DPYD: variants seen among roughly 807,000 people sequenced by gnomAD.
The protein encoded by DPYD is dihydropyrimidine dehydrogenase [NADP(+)].
DPYD carries 109 observed loss-of-function variants against 116.2 expected under a neutral mutation model. The observed-to-expected ratio is 0.94, with a 90% confidence interval of 0.80 to 1.10. The LOEUF (loss-of-function observed/expected upper bound fraction) is 1.10, where lower values mean the gene tolerates loss of function less well. Ranked by LOEUF, DPYD falls within the 50% of genes least tolerant of loss-of-function variation. The probability of loss-of-function intolerance (pLI) is 0.00; values close to 1 mark genes in which losing one functional copy is unlikely to be tolerated. For synonymous variants in DPYD, 440 were observed against 432.0 expected, an observed-to-expected ratio of 1.02 and a Z score of -0.23; for missense variants, 1,302 against 1,254.5, an observed-to-expected ratio of 1.04 and a Z score of -0.57.
intron 1 of DPYD, among the ~76,000 whole-genome samples, chr1:97,891,069 A>C (rs1007020466): frequency 3.9e-5 from 6 of 152,006 alleles, no homozygotes; most frequent in African/African-American, 1.4e-4. Flanking sequence ...ATGAAATGTG[A>C]TATAAAATAA....
At chr1:97,587,327 T>C (rs1360927389) in intron 10 of DPYD, among the ~76,000 whole-genome samples, 4 of 152,214 alleles carry the variant, frequency 2.6e-5, no homozygotes, top group Non-Finnish European at 5.9e-5. Context: ...GAGCAAATCA[T>C]GTCAACATGT....
intron 14 of DPYD, among the ~76,000 whole-genome samples, chr1:97,404,683 T>C (rs1214352491): frequency 6.6e-6 from 1 of 152,122 alleles, no homozygotes; most frequent in East Asian, 1.9e-4. Flanking sequence ...GTTTTTGTAT[T>C]GAAAGTGACT....
intron 19 of DPYD, among the ~76,000 whole-genome samples, chr1:97,206,746 A>G (rs1424208582): frequency 7.0e-6 from 1 of 143,784 alleles, no homozygotes; most frequent in Non-Finnish European, 1.5e-5. Flanking sequence ...ATGTTAATGT[A>G]TGTTTTATAT....
At chr1:97,546,150 G>C in intron 12 of DPYD, 1 of 1,417,240 alleles carries the variant, frequency 7.1e-7, no homozygotes, top group Non-Finnish European at 1.0e-6. Context: ...GTCCTTCTGT[G>C]CTGCAGAGGA....
intron 19 of DPYD, among the ~76,000 whole-genome samples, chr1:97,198,047 T>C (rs948357565): frequency 6.6e-6 from 1 of 152,194 alleles, no homozygotes; most frequent in African/African-American, 2.4e-5. Context: ...TTTTTGATAG[T>C]AGGAACTTTG....
At chr1:97,261,877 A>G (rs1663908053) in intron 18 of DPYD, among the ~76,000 whole-genome samples, 1 of 152,006 alleles carries the variant, frequency 6.6e-6, no homozygotes, top group Non-Finnish European at 1.5e-5. Context: ...TGTGACTTCT[A>G]CCTGATAATT....
At chr1:97,436,298 G>A (rs188302157) in intron 14 of DPYD, among the ~76,000 whole-genome samples, 5 of 152,056 alleles carry the variant, frequency 3.3e-5, no homozygotes, top group South Asian at 2.1e-4. Context: ...TTATGTAAGC[G>A]AGCCTACTGA....
At chr1:97,851,721 A>G (rs1434820661) in intron 2 of DPYD, among the ~76,000 whole-genome samples, 1 of 151,810 alleles carries the variant, frequency 6.6e-6, no homozygotes, top group Non-Finnish European at 1.5e-5. Context: ...AAAAAAAAAA[A>G]AAGAAACTGG....
chr1:97,394,109 C>A (rs1242921764), intron 14 of DPYD: 2 of 152,104 alleles, frequency 1.3e-5, no homozygotes, highest in East Asian at 3.9e-4. Flanking sequence ...AGTGTCTGTT[C>A]ATATCCTTCA....
At chr1:97,736,493 A>G (rs1663951152) in intron 4 of DPYD, among the ~76,000 whole-genome samples, 1 of 152,170 alleles carries the variant, frequency 6.6e-6, no homozygotes, top group South Asian at 2.1e-4. Context: ...AAAATTGACA[A>G]AAATATGAAT....
rs200957866 is a variant in DPYD at position 97,793,916 on chromosome 1, GTGTT to G, written c.233+34194_233+34197del. On this transcript the variant is annotated intron_variant, in intron 3 of 22. Coordinates refer to ENST00000370192, the MANE Select transcript of DPYD (RefSeq NM_000110.4). ...CTGTTCTTTAAAACACCTGGTTGTT[GTGTT>G]TGTTTGTTTGTTTGGTTTGTTTGTT... Among the ~76,000 whole-genome samples, 114 of 152,158 alleles carry G rather than the reference GTGTT, an allele frequency of 7.5e-4. 2 individuals carry two copies. In the East Asian group the frequency reaches 0.015, roughly 20 times the overall value.
At chr1:97,488,060 G>T (rs1385622856) in intron 13 of DPYD, among the ~76,000 whole-genome samples, 1 of 151,868 alleles carries the variant, frequency 6.6e-6, no homozygotes, top group South Asian at 2.1e-4. Context: ...GCAAATTGTG[G>T]TTATATACAT....
intron 16 of DPYD, among the ~76,000 whole-genome samples, chr1:97,314,825 C>CCTG (rs2101071479): frequency 6.6e-6 from 1 of 152,056 alleles, no homozygotes; most frequent in East Asian, 2.0e-4. Context: ...TTGAGAGGTA[C>CCTG]CTGCCCAAAT....
At chr1:97,388,894 A>T (rs1287963050) in intron 14 of DPYD, among the ~76,000 whole-genome samples, 1 of 152,132 alleles carries the variant, frequency 6.6e-6, no homozygotes, top group African/African-American at 2.4e-5. Context: ...ATGAATCGAG[A>T]GTACAAGTGG....
At chr1:97,628,014 TGATAGTAG>T (rs1372305343) in intron 8 of DPYD, among the ~76,000 whole-genome samples, 2 of 151,856 alleles carry the variant, frequency 1.3e-5, no homozygotes, top group Admixed American at 1.3e-4. Context: ...ACAAAGATAA[TGATAGTAG>T]GAATGAAAGG....
At chr1:97,359,635 A>C (rs1670610644) in intron 16 of DPYD, among the ~76,000 whole-genome samples, 1 of 152,238 alleles carries the variant, frequency 6.6e-6, no homozygotes, top group Non-Finnish European at 1.5e-5. Flanking sequence ...ACAAGCCAGA[A>C]GAGAGTGGGG....
At chr1:97,301,214 T>G (rs1057138008) in intron 18 of DPYD, among the ~76,000 whole-genome samples, 2 of 152,058 alleles carry the variant, frequency 1.3e-5, no homozygotes, top group African/African-American at 2.4e-5. Context: ...CAGAAAATCT[T>G]AAAAGCCATC....
chr1:97,595,407 T>C (rs116716248), intron 8 of DPYD, among the ~76,000 whole-genome samples: 1,994 of 152,120 alleles, frequency 0.013, 23 homozygotes, highest in Middle Eastern at 0.024. Context: ...TACCTATAAA[T>C]ATATGGAAAC....
chr1:97,437,170 A>G (rs1177744230), intron 14 of DPYD, among the ~76,000 whole-genome samples: 1 of 151,838 alleles, frequency 6.6e-6, no homozygotes, highest in Non-Finnish European at 1.5e-5. Context: ...GTGACTCTTT[A>G]TAACTCCTCT....
Sources: gnomAD v4.1 joint callset for allele counts (sites outside exome capture counted in the v4.1 genomes callset) on GRCh38, gnomAD v4.1.1 for gene constraint, MANE v1.5 for transcripts, NCBI Gene and HGNC (gene_info 2026-07-23, HGNC 2026-07-21) for gene names.